Variants in SETD1B observed in about 807,000 individuals in gnomAD.
The protein encoded by SETD1B is SET domain containing 1B, histone lysine methyltransferase.
A neutral mutation model predicts 148.0 loss-of-function variants in SETD1B; 7 were observed. The ratio of observed to expected loss-of-function variants is 0.05; its 90% CI spans 0.03 to 0.09. The LOEUF is 0.09. Among genes scored for constraint, SETD1B ranks in the 10% least tolerant of loss-of-function variants. The pLI, the probability that SETD1B is intolerant of heterozygous loss-of-function variation, is 1.00. For synonymous variants in SETD1B, 1,361 were observed against 1,186.5 expected, an observed-to-expected ratio of 1.15 and a Z score of -3.02; for missense variants, 2,155 against 2,729.9, an observed-to-expected ratio of 0.79 and a Z score of 4.69.
At chr12:121,815,813 T>C (rs1340176074) in intron 7 of SETD1B, among the ~76,000 whole-genome samples, 1 of 151,184 alleles carries the variant, frequency 6.6e-6, no homozygotes, top group African/African-American at 2.4e-5. Flanking sequence ...CTTACTATTT[T>C]CTTTTCTTTC....
At position 121,825,219 on chromosome 12, in the gene SETD1B, T is replaced by TAAG; in HGVS notation, c.5199_5201dup (p.Lys1734dup). 1.3e-6 allele frequency: 2 copies of TAAG among 1,551,556 alleles called. No homozygotes were observed. The highest frequency in any genetic ancestry group is 1.7e-6 in the Non-Finnish European group (2 of 1,146,990). The stretch of plus-strand genomic sequence containing the variant: ...ACCCACCCACCAGCCTCTCTTCAGC[T>TAAG]AAGAAGAAGAAACGGGACGATGGCA... On this transcript the variant is annotated inframe_insertion, in exon 13 of 17. Coordinates refer to ENST00000604567, the MANE Select transcript of SETD1B (RefSeq NM_001353345.2).
rs550283601 is a variant in SETD1B at position 121,822,781 on chromosome 12, C to T, written c.4202C>T (p.Pro1401Leu). 2.8e-5 allele frequency: 42 copies of T among 1,513,586 alleles called. No individual in the cohort carries two copies. In the East Asian group the frequency reaches 3.2e-4, roughly 12 times the overall value. 93.8% of individuals were successfully genotyped at this position (1,513,586 alleles called of 1,614,324 possible). ...GGSSGLSLSSPQVPGSPFSYP... is the reference protein window; with the variant it reads ...GGSSGLSLSSLQVPGSPFSYP... ...AGCAGTGGCCTGTCCCTGAGCTCTC[C>T]GCAAGTGCCCGGCAGCCCCTTCTCC... is the stretch of plus-strand genomic sequence containing the variant. Residue 1401 changes from proline (P) to leucine (L), a missense_variant, in exon 12 of 17, where the codon CCG (proline) becomes CTG (leucine). This residue lies in a region of SETD1B where 862 missense variants were observed against 873.8 expected (regional missense o/e 0.99). Transcript: ENST00000604567.
intron 11 of SETD1B, among the ~76,000 whole-genome samples, chr12:121,820,834 T>C (rs1373292190): frequency 1.3e-5 from 2 of 152,128 alleles, no homozygotes; most frequent in African/African-American, 4.8e-5. Flanking sequence ...TGCCCGGTCC[T>C]AGCACCTACC....
rs375485406 is a variant in SETD1B at position 121,819,983 on chromosome 12, C to T, written c.3910+88C>T. On this transcript the variant is annotated intron_variant, in intron 11 of 16. Coordinates refer to ENST00000604567, the MANE Select transcript of SETD1B (RefSeq NM_001353345.2). ...TCAGCCCGGGCTTCCTGGGGTAGAT[C>T]GCTGACCGTCCCCAGCCTCAGTTTC... The T allele has an allele frequency of 2.5e-5, 28 of 1,126,214 alleles. No individual in the cohort carries two copies. The Admixed American group carries it at 3.5e-4, about 14-fold the overall frequency. The allele number at this position is 1,126,214 out of a possible 1,614,324, so 69.8% of individuals were successfully genotyped here. A position where few individuals can be genotyped will look rare whatever the true frequency, so the allele number is the denominator to read the frequency against.
intron 4 of SETD1B, among the ~76,000 whole-genome samples, chr12:121,806,928 AAAG>A (rs1314828974): frequency 5.3e-5 from 8 of 152,168 alleles, no homozygotes; most frequent in Admixed American, 3.9e-4. Flanking sequence ...CCCACCTATA[AAAG>A]AAGGTGCCGA....
Position 121,822,912 on chromosome 12 carries a change from C to T in SETD1B, c.4333C>T (p.Leu1445=). ...CTCCGAGCCCAGCGGGCCCTTGCTCCTGCCCGTCTGCCCACTCCCCACTGG... is the reference window on the plus strand; with the variant it reads ...CTCCGAGCCCAGCGGGCCCTTGCTCTTGCCCGTCTGCCCACTCCCCACTGG... ...TFSEPSGPLL[L]PVCPLPTGRR... is the part of the protein sequence containing the mutation. The change falls in exon 12 of 17, where the codon CTG becomes TTG. Residue 1445 remains leucine, a synonymous_variant. Coordinates refer to ENST00000604567, the MANE Select transcript of SETD1B (RefSeq NM_001353345.2). The T allele has an allele frequency of 2.7e-6, 4 of 1,506,394 alleles. No individual in the cohort carries two copies. The highest frequency in any genetic ancestry group is 3.6e-6 in the Non-Finnish European group (4 of 1,123,730). 93.3% of individuals were successfully genotyped at this position (1,506,394 alleles called of 1,614,324 possible). A position where few individuals can be genotyped will look rare whatever the true frequency, so the allele number is the denominator to read the frequency against.
chr12:121,822,399 G>A (rs1876600426), intron 11 of SETD1B, 91 bp from the exon 12 acceptor site: 17 of 1,433,362 alleles, frequency 1.2e-5, no homozygotes, highest in African/African-American at 1.4e-5. Context: ...ACTCAGGGCT[G>A]TGAGCCTGCC....
Position 121,832,155 on chromosome 12 carries a change from C to G in SETD1B, c.*1916C>G, listed in dbSNP as rs1877125429. 6.6e-6 allele frequency: 1 copy of G among 152,146 alleles called. No individual in the cohort carries two copies. The highest frequency in any genetic ancestry group is 6.6e-5 in the Admixed American group (1 of 15,254). 9.4% of individuals were successfully genotyped at this position (152,146 alleles called of 1,614,324 possible). ...TCCAAAGGGCTGTCTCCATTCTGTC[C>G]CCTTCCCATAAAAGAAGTGGGGGTG... On this transcript the variant is annotated 3_prime_UTR_variant, in exon 17 of 17. Transcript: ENST00000604567.
Position 121,809,877 on chromosome 12 carries a change from G to C in SETD1B, c.932G>C (p.Arg311Pro). 1.3e-6 allele frequency: 2 copies of C among 1,551,068 alleles called. No individual in the cohort carries two copies. Among genetic ancestry groups the C allele is most frequent in the South Asian group, 1.2e-5 (1 of 84,056 alleles). The change falls in exon 6 of 17, where the codon CGG becomes CCG. Residue 311 changes from arginine to proline, a missense_variant. Coordinates refer to ENST00000604567, the MANE Select transcript of SETD1B (RefSeq NM_001353345.2). ...GACCCTGCAGTGACCTTCAAGGCCC[G>C]GCGCCACGAGAGCAAGTTCACGGAC... ...SQDPAVTFKA[R>P]RHESKFTDAY...
In SETD1B at chr12:121,810,016, C is replaced by T. The variant is rs760230171; in HGVS notation, c.1071C>T (p.Val357=). 1.0e-4 allele frequency: 155 copies of T among 1,550,384 alleles called. 2 individuals carry two copies. Among genetic ancestry groups the T allele is most frequent in the South Asian group, 6.9e-4 (58 of 84,054 alleles). Residue 357 remains valine, a synonymous_variant, in exon 6 of 17, where the codon GTC becomes GTT. Coordinates refer to ENST00000604567, the MANE Select transcript of SETD1B (RefSeq NM_001353345.2). This position sits in a 1 kb window ranked among gnomAD's most constrained non-coding sequence, Gnocchi z 7.6. ...RGSSDLPFGA[V]GGTGGSSGPP... ...CCTCGGACCTCCCGTTCGGAGCAGT[C>T]GGCGGCACTGGGGGCAGCAGCGGTC...
chr12:121,811,932 G>A (rs1385488945), intron 6 of SETD1B, among the ~76,000 whole-genome samples: 1 of 152,138 alleles, frequency 6.6e-6, no homozygotes, highest in Non-Finnish European at 1.5e-5. Context: ...GCAGCTGTAG[G>A]GGGGCCGCCG....
At position 121,804,717 on chromosome 12, in the gene SETD1B, T is replaced by C; in HGVS notation, c.-14-7T>C. On this transcript the variant is annotated splice_polypyrimidine_tract_variant and splice_region_variant and intron_variant, in intron 1 of 16. Coordinates refer to ENST00000604567, the MANE Select transcript of SETD1B (RefSeq NM_001353345.2). The surrounding 1 kb of genome is among the most constrained non-coding windows in gnomAD (Gnocchi z 4.6). ...GGCGGAGACGACAACAACTTGCTGG[T>C]TTTCAGGTTGGGTTAACGGCATGGA... 4 of 1,545,914 alleles carry C rather than the reference T, an allele frequency of 2.6e-6. No homozygotes were observed. The highest frequency in any genetic ancestry group is 3.5e-6 in the Non-Finnish European group (4 of 1,145,590).
chr12:121,818,603 G>A (rs1055539892), intron 10 of SETD1B, among the ~76,000 whole-genome samples: 1 of 151,774 alleles, frequency 6.6e-6, no homozygotes, highest in African/African-American at 2.4e-5. Context: ...AAAGTGAGCA[G>A]TTTTTGGCTG....
Position 121,810,577 on chromosome 12 carries a change from C to G in SETD1B, c.1632C>G (p.Ala544=), listed in dbSNP as rs1175367516. ...CCTCCTCCCAGCTCTCCCCACTGGC[C>G]CCCTTTGGCACCAACTCCCAGCCAG... ...SSSSSQLSPL[A]PFGTNSQPGF... Residue 544 remains alanine, a synonymous_variant, in exon 6 of 17, where the codon GCC becomes GCG. Transcript: ENST00000604567. The surrounding 1 kb of genome is among the most constrained non-coding windows in gnomAD (Gnocchi z 7.6). The G allele has an allele frequency of 1.9e-6, 3 of 1,548,378 alleles. No individual in the cohort carries two copies. The South Asian group carries it at 3.6e-5, about 18-fold the overall frequency.
chr12:121,800,972 A>G (rs1022548237), upstream of SETD1B: 17 of 152,208 alleles, frequency 1.1e-4, no homozygotes, highest in African/African-American at 4.1e-4. Flanking sequence ...CCCGCCTGCC[A>G]GACCAGCCCG....
At chr12:121,793,870 T>C in the SETD1B span, 1 of 401,470 alleles carries the variant, frequency 2.5e-6, no homozygotes, top group East Asian at 4.2e-5. Context: ...GGGGCTCAGC[T>C]GCGAGCAAAG....
In SETD1B at chr12:121,827,532, C is replaced by T; in HGVS notation, c.5351C>T (p.Pro1784Leu). The change falls in exon 14 of 17, where the codon CCA becomes CTA. Residue 1784 changes from proline (P) to leucine (L), a missense_variant. This residue lies in a region of SETD1B where 51 missense variants were observed against 162.8 expected (regional missense o/e 0.31). Transcript: ENST00000604567. Reference sequence around the variant, plus strand: ...CGTCCACTGCAGGGCATGAGCATCCCAGCACAGCCCCACGCCTCCACCCGG... The same window carrying T: ...CGTCCACTGCAGGGCATGAGCATCCTAGCACAGCCCCACGCCTCCACCCGG... ...PPADTQGMSI[P>L]AQPHASTRAG... The T allele has an allele frequency of 6.5e-7, 1 of 1,543,230 alleles. No homozygotes were observed. The highest frequency in any genetic ancestry group is 8.7e-7 in the Non-Finnish European group (1 of 1,145,514).
upstream of SETD1B, chr12:121,799,088 C>G (rs563473152): frequency 2.2e-4 from 33 of 152,366 alleles, no homozygotes; most frequent in African/African-American, 7.5e-4. Flanking sequence ...ACTTGGGCAC[C>G]AGGCCCGGTG....
chr12:121,818,496 G>T (rs1876406305), intron 10 of SETD1B, among the ~76,000 whole-genome samples: 1 of 152,144 alleles, frequency 6.6e-6, no homozygotes, highest in Non-Finnish European at 1.5e-5. Context: ...CCAGGAGGCA[G>T]AGGTTGCAGT....
Sources: allele counts gnomAD v4.1 joint callset (sites outside exome capture counted in the v4.1 genomes callset), GRCh38; gene constraint gnomAD v4.1.1; regional missense constraint gnomAD v4.1.1; non-coding constraint Gnocchi (gnomAD v3.1); transcripts MANE v1.5; gene names NCBI Gene and HGNC (gene_info 2026-07-23, HGNC 2026-07-21).